FAM13A: variants seen among roughly 807,000 people sequenced by gnomAD.
The protein encoded by FAM13A is family with sequence similarity 13 member A.
A neutral mutation model predicts 129.6 loss-of-function variants in FAM13A; 76 were observed. That is an observed-to-expected ratio of 0.59 (90% CI 0.49 to 0.71). The LOEUF is 0.71. FAM13A is among the 30% of genes least tolerant of loss of function. The probability of loss-of-function intolerance (pLI) is 0.00; values close to 1 mark genes in which losing one functional copy is unlikely to be tolerated. For missense variants in FAM13A, 1,108 were observed against 1,249.3 expected, an observed-to-expected ratio of 0.89 and a Z score of 1.70; for synonymous variants, 443 against 449.9, an observed-to-expected ratio of 0.98 and a Z score of 0.20.
At chr4:89,032,164 G>A (rs533920154) in intron 1 of FAM13A, among the ~76,000 whole-genome samples, 1 of 152,012 alleles carries the variant, frequency 6.6e-6, no homozygotes, top group South Asian at 2.1e-4. Context: ...AGAATGGCGT[G>A]AACCTGGGAG....
intron 7 of FAM13A, among the ~76,000 whole-genome samples, chr4:88,826,236 G>A (rs1732957393): frequency 6.7e-6 from 1 of 149,456 alleles, no homozygotes; most frequent in Non-Finnish European, 1.5e-5. Flanking sequence ...TTTTCACTTA[G>A]CTCTCTGTTC....
At chr4:88,769,829 CAA>C (rs541288736) in intron 11 of FAM13A, among the ~76,000 whole-genome samples, 9 of 131,368 alleles carry the variant, frequency 6.9e-5, no homozygotes, top group Non-Finnish European at 1.3e-4. Flanking sequence ...GACTCTGTCT[CAA>C]AAAAAAAACC....
At chr4:88,842,580 T>C (rs371170558) in intron 7 of FAM13A, among the ~76,000 whole-genome samples, 14 of 152,232 alleles carry the variant, frequency 9.2e-5, no homozygotes, top group East Asian at 3.8e-4. Flanking sequence ...CTCCACACCT[T>C]AGTTATGTCT....
intron 5 of FAM13A, among the ~76,000 whole-genome samples, chr4:88,928,114 G>A (rs933266256): frequency 6.6e-6 from 1 of 152,050 alleles, no homozygotes; most frequent in African/African-American, 2.4e-5. Flanking sequence ...GGAGCATGTT[G>A]TTTAATTTCC....
chr4:88,738,448 C>T (rs768961933), intron 20 of FAM13A, among the ~76,000 whole-genome samples: 10 of 152,128 alleles, frequency 6.6e-5, no homozygotes, highest in Non-Finnish European at 1.3e-4. Flanking sequence ...GCTGCTGCTC[C>T]CTACTCTTGA....
At chr4:88,984,119 C>A (rs765307516) in intron 4 of FAM13A, among the ~76,000 whole-genome samples, 1 of 152,136 alleles carries the variant, frequency 6.6e-6, no homozygotes, top group Non-Finnish European at 1.5e-5. Flanking sequence ...TGAAGTTAGA[C>A]TCCTTTATAC....
intron 4 of FAM13A, among the ~76,000 whole-genome samples, chr4:88,945,694 G>A (rs993806300): frequency 6.8e-6 from 1 of 147,462 alleles, no homozygotes; most frequent in Admixed American, 6.8e-5. Flanking sequence ...GAGAAATGGG[G>A]AAGTTCTTCT....
At chr4:88,956,984 G>C (rs1026235455) in intron 4 of FAM13A, among the ~76,000 whole-genome samples, 6 of 152,158 alleles carry the variant, frequency 3.9e-5, no homozygotes, top group African/African-American at 1.4e-4. Flanking sequence ...GCTATCCCCA[G>C]GGTGATGAGT....
At chr4:88,851,262 C>T in intron 6 of FAM13A, 79 bp from the exon 7 acceptor site, 1 of 1,260,752 alleles carries the variant, frequency 7.9e-7, no homozygotes, top group South Asian at 1.8e-5. Flanking sequence ...TGATAAAAGA[C>T]AATTTATTCC....
chr4:88,913,448 GGAGGAA>G (rs1749511792), intron 5 of FAM13A, among the ~76,000 whole-genome samples: 3 of 80,918 alleles, frequency 3.7e-5, no homozygotes, highest in East Asian at 7.4e-4. Flanking sequence ...AAGAAGAGGA[GGAGGAA>G]GAAGAAGAAG....
chr4:89,038,294 C>T lies in FAM13A; in HGVS notation c.28-8645G>A, dbSNP rs148482305. Reference sequence around the variant, plus strand: ...AGTACTTTGAAAGATAATCAGATTACATTGCTGGTTAAATTCAGAACCATG... The same window carrying T: ...AGTACTTTGAAAGATAATCAGATTATATTGCTGGTTAAATTCAGAACCATG... On this transcript the variant is annotated intron_variant, in intron 1 of 23. Transcript: ENST00000264344. Among the ~76,000 whole-genome samples, 917 of 152,308 alleles carry T rather than the reference C, an allele frequency of 6.0e-3. 11 individuals are homozygous for T. Among genetic ancestry groups the T allele is most frequent in the African/African-American group, 0.021 (877 of 41,570 alleles).
In FAM13A at chr4:88,996,554, A is replaced by G. The variant is rs189618119; in HGVS notation, c.428-5404T>C. Among the ~76,000 whole-genome samples the G allele has an allele frequency of 1.6e-4, 25 of 152,336 alleles. No homozygotes were observed. In the East Asian group the frequency reaches 4.8e-3, roughly 29 times the overall value. ...GGCACCATTCTAAGCATTTGAGATAAATCCATAAACAAAATAAACAGAAAA... is the reference window on the plus strand; with the variant it reads ...GGCACCATTCTAAGCATTTGAGATAGATCCATAAACAAAATAAACAGAAAA... On this transcript the variant is annotated intron_variant, in intron 3 of 23. Coordinates refer to ENST00000264344, the MANE Select transcript of FAM13A (RefSeq NM_014883.4).
At chr4:88,870,589 T>C (rs1441282781) in intron 6 of FAM13A, among the ~76,000 whole-genome samples, 4 of 152,296 alleles carry the variant, frequency 2.6e-5, no homozygotes, top group Admixed American at 6.5e-5. Context: ...GGGAGGGGCA[T>C]CTGCCATCAC....
chr4:88,933,446 C>G (rs1051800016), intron 5 of FAM13A, among the ~76,000 whole-genome samples: 2 of 152,136 alleles, frequency 1.3e-5, no homozygotes, highest in East Asian at 3.9e-4. Flanking sequence ...TCTTTGCCTT[C>G]TCCTTTCCCA....
intron 6 of FAM13A, among the ~76,000 whole-genome samples, chr4:88,860,580 G>C (rs1739315549): frequency 1.3e-5 from 2 of 152,220 alleles, no homozygotes; most frequent in Non-Finnish European, 2.9e-5. Flanking sequence ...AGGTTCTTCT[G>C]AAGGTGCTGT....
intron 5 of FAM13A, among the ~76,000 whole-genome samples, chr4:88,934,679 T>C (rs187654727): frequency 1.2e-3 from 183 of 152,196 alleles, no homozygotes; most frequent in African/African-American, 4.2e-3. Context: ...TTTGACAAAA[T>C]AAAAATGTTC....
intron 6 of FAM13A, among the ~76,000 whole-genome samples, chr4:88,890,062 A>C (rs1745086833): frequency 6.6e-6 from 1 of 152,198 alleles, no homozygotes; most frequent in South Asian, 2.1e-4. Context: ...AGGAAGGTGA[A>C]ACCAAAGGTA....
At chr4:88,977,241 G>A (rs187823498) in intron 4 of FAM13A, among the ~76,000 whole-genome samples, 40 of 152,238 alleles carry the variant, frequency 2.6e-4, no homozygotes, top group Non-Finnish European at 4.7e-4. Context: ...TTGAACACAA[G>A]CCCTGAAATA....
intron 4 of FAM13A, among the ~76,000 whole-genome samples, chr4:88,958,397 C>A (rs957968057): frequency 6.6e-6 from 1 of 152,238 alleles, no homozygotes; most frequent in Non-Finnish European, 1.5e-5. Context: ...TGAGCTGATA[C>A]TTTGGAGCCT....
Sources: allele counts gnomAD v4.1 joint callset (sites outside exome capture counted in the v4.1 genomes callset), GRCh38; gene constraint gnomAD v4.1.1; transcripts MANE v1.5; gene names NCBI Gene and HGNC (gene_info 2026-07-23, HGNC 2026-07-21).